GAREM1: variants seen among roughly 807,000 people sequenced by gnomAD.
GAREM1 encodes the protein GRB2 associated regulator of MAPK1 subtype 1.
GAREM1 carries 26 observed loss-of-function variants against 71.3 expected under a neutral mutation model. The ratio of observed to expected loss-of-function variants is 0.36; its 90% CI spans 0.27 to 0.51. The LOEUF is 0.51. Among genes scored for constraint, GAREM1 ranks in the 20% least tolerant of loss-of-function variants. GAREM1 has a pLI of 0.95. For missense variants in GAREM1, 1,026 were observed against 1,103.1 expected, an observed-to-expected ratio of 0.93 and a Z score of 0.99; for synonymous variants, 440 against 433.2, an observed-to-expected ratio of 1.02 and a Z score of -0.20.
chr18:32,424,721 T>C (rs954283178), intron 1 of GAREM1, among the ~76,000 whole-genome samples: 2 of 152,196 alleles, frequency 1.3e-5, no homozygotes, highest in Admixed American at 1.3e-4. Context: ...GCTTTAAGCA[T>C]GGCTTTATAT....
At chr18:32,320,435 C>T (rs2047418019) in intron 2 of GAREM1, among the ~76,000 whole-genome samples, 1 of 152,036 alleles carries the variant, frequency 6.6e-6, no homozygotes, top group Non-Finnish European at 1.5e-5. Flanking sequence ...AAGTTAGTTC[C>T]TAAAATTACT....
chr18:32,412,230 C>T, intron 1 of GAREM1: 1 of 1,572,968 alleles, frequency 6.4e-7, no homozygotes, highest in South Asian at 1.1e-5. Context: ...TCTTCTGCCA[C>T]TGACACAGCT....
intron 1 of GAREM1, chr18:32,412,253 G>A (rs1380093084): frequency 1.9e-6 from 3 of 1,571,732 alleles, no homozygotes; most frequent in African/African-American, 2.7e-5. Context: ...TGCTGCTGCT[G>A]GAACCGCCAT....
chr18:32,318,516 T>A (rs618004), intron 2 of GAREM1, among the ~76,000 whole-genome samples: 1 of 152,106 alleles, frequency 6.6e-6, no homozygotes, highest in African/African-American at 2.4e-5. Flanking sequence ...TGCCGAGATA[T>A]GAAGAAATAA....
At chr18:32,274,504 C>T (rs2041510721) in intron 4 of GAREM1, among the ~76,000 whole-genome samples, 1 of 152,178 alleles carries the variant, frequency 6.6e-6, no homozygotes, top group African/African-American at 2.4e-5. Context: ...CATCATGTTA[C>T]TCGCTGTCTC....
intron 2 of GAREM1, among the ~76,000 whole-genome samples, chr18:32,377,709 G>A (rs1051672971): frequency 2.0e-5 from 3 of 152,036 alleles, no homozygotes; most frequent in Non-Finnish European, 4.4e-5. Context: ...GACTACAGGC[G>A]CATGCCACCA....
intron 4 of GAREM1, among the ~76,000 whole-genome samples, chr18:32,275,629 A>G (rs2041530261): frequency 6.6e-6 from 1 of 152,138 alleles, no homozygotes; most frequent in Admixed American, 6.5e-5. Flanking sequence ...TTTTCTTCCC[A>G]GCTGCCCCAC....
At chr18:32,270,190 G>C in intron 5 of GAREM1, 27 bp downstream of exon 5, 1 of 1,610,426 alleles carries the variant, frequency 6.2e-7, no homozygotes, top group Non-Finnish European at 8.5e-7. Context: ...AGATAAGCGT[G>C]CAGTGGGACC....
At chr18:32,384,278 T>C (rs1298633021) in intron 2 of GAREM1, among the ~76,000 whole-genome samples, 1 of 152,164 alleles carries the variant, frequency 6.6e-6, no homozygotes, top group Non-Finnish European at 1.5e-5. Context: ...ACTGTGTTGT[T>C]GCCACAAACA....
rs765879090 is a variant in GAREM1, at chr18:32,268,539, G to C, written c.1963C>G (p.Gln655Glu). The C allele has an allele frequency of 6.2e-7, 1 of 1,614,132 alleles. No individual in the cohort carries two copies. Among genetic ancestry groups the C allele is most frequent in the Non-Finnish European group, 8.5e-7 (1 of 1,180,006 alleles). Residue 655 changes from glutamine to glutamate, a missense_variant, in exon 6 of 6, where the codon CAA (glutamine) becomes GAA (glutamate). Transcript: ENST00000269209. ...DPSRSYSYPR[Q>E]KTPGTPKRNC... ...CTCTTTGGTGTGCCTGGCGTCTTTT[G>C]TCTAGGGTAACTATAACTCCTGCTT... is the stretch of plus-strand genomic sequence containing the variant.
intron 1 of GAREM1, among the ~76,000 whole-genome samples, chr18:32,427,613 C>T (rs1473035438): frequency 1.3e-5 from 2 of 152,198 alleles, no homozygotes; most frequent in African/African-American, 4.8e-5. Flanking sequence ...AAAATTTTTC[C>T]TCCAAGGGAC....
Position 32,265,542 on chromosome 18 carries a change from T to G in GAREM1, c.*2329A>C, listed in dbSNP as rs2041361461. 6.6e-6 allele frequency: 1 copy of G among 152,226 alleles called. No individual in the cohort carries two copies. Among genetic ancestry groups the G allele is most frequent in the South Asian group, 2.1e-4 (1 of 4,826 alleles). The allele number at this position is 152,226 out of a possible 1,614,324, so 9.4% of individuals were successfully genotyped here. A position where few individuals can be genotyped will look rare whatever the true frequency, so the allele number is the denominator to read the frequency against. ...AGGGGCTGTGTCTTTTACTCAGCACTGTAGTGATACTAGACTGTAGCATAA... is the reference window on the plus strand; with the variant it reads ...AGGGGCTGTGTCTTTTACTCAGCACGGTAGTGATACTAGACTGTAGCATAA... On this transcript the variant is annotated 3_prime_UTR_variant, in exon 6 of 6. Transcript: ENST00000269209.
intron 1 of GAREM1, among the ~76,000 whole-genome samples, chr18:32,463,976 G>A (rs2048975862): frequency 1.4e-5 from 2 of 141,084 alleles, no homozygotes; most frequent in East Asian, 4.4e-4. Context: ...AAATAATGAT[G>A]AGTACGTGGT....
rs34771430 is a variant in GAREM1 at position 32,452,853 on chromosome 18, G to GTTT, written c.121+17452_121+17454dup. Among the ~76,000 whole-genome samples, 13 of 147,270 alleles carry GTTT rather than the reference G, an allele frequency of 8.8e-5. No homozygotes were observed. The East Asian group carries it at 1.2e-3, about 14-fold the overall frequency. On this transcript the variant is annotated intron_variant, in intron 1 of 5. Coordinates refer to ENST00000269209, the MANE Select transcript of GAREM1 (RefSeq NM_001242409.2). ...GGGGTTTTATACTTATAACTTCTAC[G>GTTT]TTTTTTTTTTTTTAAGAAACTTGGC...
intron 2 of GAREM1, among the ~76,000 whole-genome samples, chr18:32,345,740 C>G (rs1381213432): frequency 6.6e-6 from 1 of 152,176 alleles, no homozygotes; most frequent in African/African-American, 2.4e-5. Context: ...GGCAACTTGA[C>G]CTGGATCTGA....
intron 3 of GAREM1, among the ~76,000 whole-genome samples, chr18:32,300,881 G>A (rs1381856763): frequency 4.2e-5 from 6 of 144,516 alleles, no homozygotes; most frequent in Non-Finnish European, 6.0e-5. Flanking sequence ...ACTCCAGCCC[G>A]GGCAACAAGA....
intron 2 of GAREM1, among the ~76,000 whole-genome samples, chr18:32,325,740 C>T (rs957823485): frequency 1.3e-5 from 2 of 152,150 alleles, no homozygotes; most frequent in Non-Finnish European, 2.9e-5. Context: ...TATTAACTTC[C>T]AGAGTTTGAA....
rs2049048297 is a variant in GAREM1, at chr18:32,470,832, GGAGGA to G, written c.-409_-405del. Reference sequence around the variant, plus strand: ...CCTTCCCTCCGCCTCGAGCGTGTGAGGAGGAGCCGCGGGTCTGAGAAACGCCATAG... The same window carrying G: ...CCTTCCCTCCGCCTCGAGCGTGTGAGGCCGCGGGTCTGAGAAACGCCATAG... On this transcript the variant is annotated 5_prime_UTR_variant, in exon 1 of 6. It introduces an in-frame stop codon into an upstream open reading frame of the 5' UTR. Coordinates refer to ENST00000269209, the MANE Select transcript of GAREM1 (RefSeq NM_001242409.2). The surrounding 1 kb of genome is among the most constrained non-coding windows in gnomAD (Gnocchi z 4.4). Among the ~76,000 whole-genome samples, 1 of 150,528 alleles carries G rather than the reference GGAGGA, an allele frequency of 6.6e-6. No individual in the cohort carries two copies. The highest frequency in any genetic ancestry group is 2.4e-5 in the African/African-American group (1 of 41,270).
intron 1 of GAREM1, among the ~76,000 whole-genome samples, chr18:32,409,830 C>T (rs1008950338): frequency 6.6e-6 from 1 of 152,118 alleles, no homozygotes; most frequent in Non-Finnish European, 1.5e-5. Flanking sequence ...AGTATTTCTG[C>T]AAACATTAAT....
Sources: allele counts gnomAD v4.1 joint callset (sites outside exome capture counted in the v4.1 genomes callset), GRCh38; gene constraint gnomAD v4.1.1; non-coding constraint Gnocchi (gnomAD v3.1); transcripts MANE v1.5; gene names NCBI Gene and HGNC (gene_info 2026-07-23, HGNC 2026-07-21).